The following RAB2A variants were observed in gnomAD, a reference collection of about 807,000 sequenced individuals.
RAB2A encodes the protein RAB2A, member RAS oncogene family.
A neutral mutation model predicts 32.5 loss-of-function variants in RAB2A; 7 were observed. The observed-to-expected ratio is 0.22, with a 90% CI of 0.12 to 0.40. The LOEUF is 0.40. Ranked by LOEUF, RAB2A falls within the 10% of genes least tolerant of loss-of-function variation. The probability of loss-of-function intolerance (pLI) is 1.00; values close to 1 mark genes in which losing one functional copy is unlikely to be tolerated. For missense variants in RAB2A, 108 were observed against 260.7 expected (o/e 0.41, Z 4.03); for synonymous variants, 79 against 85.2 (o/e 0.93, Z 0.40).
At chr8:60,562,919 T>C (rs1808046063) in intron 2 of RAB2A, among the ~76,000 whole-genome samples, 1 of 152,040 alleles carries the variant, frequency 6.6e-6, no homozygotes, top group Non-Finnish European at 1.5e-5. Flanking sequence ...TACAGGCCAG[T>C]AGAAGCAGTA....
At chr8:60,619,051 C>A (rs1039462132) in intron 7 of RAB2A, 1 of 152,162 alleles carries the variant, frequency 6.6e-6, no homozygotes, top group African/African-American at 2.4e-5. Context: ...GCAAGATGCT[C>A]TCTCTGTTAT....
chr8:60,584,032 G>T lies in RAB2A; in HGVS notation c.187-176G>T, dbSNP rs1317279698. The T allele has an allele frequency of 5.6e-6, 3 of 535,914 alleles. No homozygotes were observed. In the African/African-American group the frequency reaches 5.7e-5, roughly 10 times the overall value. The allele number at this position is 535,914 out of a possible 1,614,324, so 33.2% of individuals were successfully genotyped here. ...CTACATGTGCGTCTCGTTGACTTGA[G>T]CAATCTTGAGCAATAGCGGTGTTTT... On this transcript the variant is annotated intron_variant, in intron 3 of 7. Coordinates refer to ENST00000262646, the MANE Select transcript of RAB2A (RefSeq NM_002865.3).
intron 1 of RAB2A, among the ~76,000 whole-genome samples, chr8:60,557,439 C>A (rs889485875): frequency 1.3e-5 from 2 of 152,080 alleles, no homozygotes; most frequent in Non-Finnish European, 2.9e-5. Context: ...TTGCTTGAAC[C>A]TGGGAGACGG....
At chr8:60,538,407 A>C (rs1253219605) in intron 1 of RAB2A, among the ~76,000 whole-genome samples, 1 of 152,248 alleles carries the variant, frequency 6.6e-6, no homozygotes, top group African/African-American at 2.4e-5. Flanking sequence ...GAACAGAGAA[A>C]GTCTAATGTA....
intron 5 of RAB2A, among the ~76,000 whole-genome samples, chr8:60,586,905 G>A (rs1450480320): frequency 6.6e-6 from 1 of 150,476 alleles, no homozygotes; most frequent in African/African-American, 2.5e-5. Context: ...ACTCCAGCCT[G>A]GGCAAAAGAG....
At chr8:60,525,943 CTATATATG>C (rs1382730616) in intron 1 of RAB2A, among the ~76,000 whole-genome samples, 22 of 131,346 alleles carry the variant, frequency 1.7e-4, no homozygotes, top group South Asian at 7.2e-4. Context: ...ATATATATGT[CTATATATG>C]TATATATGTA....
intron 1 of RAB2A, among the ~76,000 whole-genome samples, chr8:60,524,405 T>C (rs1161493166): frequency 6.6e-6 from 1 of 152,162 alleles, no homozygotes; most frequent in African/African-American, 2.4e-5. Context: ...CACTTTAGTC[T>C]ATGAGGCTGT....
chr8:60,598,937 CAAAAAAAAAAAAAAAAAAA>C (rs56406651), intron 6 of RAB2A, among the ~76,000 whole-genome samples: 2 of 40,368 alleles, frequency 5.0e-5, no homozygotes, highest in Non-Finnish European at 1.0e-4. Context: ...TGCAGTAAAG[CAAAAAAAAAAAAAAAAAAA>C]AAAAAAAAAA....
chr8:60,526,020 C>CATATACATAT (rs1807377411), intron 1 of RAB2A, among the ~76,000 whole-genome samples: 1 of 92,354 alleles, frequency 1.1e-5, no homozygotes, highest in Non-Finnish European at 2.2e-5. Context: ...TGTGTGTGTA[C>CATATACATAT]ATATATATAT....
intron 3 of RAB2A, among the ~76,000 whole-genome samples, chr8:60,580,741 G>T (rs1803734738): frequency 1.3e-5 from 2 of 152,176 alleles, no homozygotes; most frequent in Non-Finnish European, 2.9e-5. Flanking sequence ...CAGTTCAGAA[G>T]GAATGAGAAT....
At chr8:60,576,077 G>T (rs1803616439) in intron 3 of RAB2A, among the ~76,000 whole-genome samples, 1 of 152,146 alleles carries the variant, frequency 6.6e-6, no homozygotes, top group Non-Finnish European at 1.5e-5. Context: ...GATACTCCTT[G>T]GAGGCATGAA....
intron 5 of RAB2A, among the ~76,000 whole-genome samples, chr8:60,586,386 A>C: frequency 1.2e-5 from 1 of 86,368 alleles, no homozygotes; most frequent in Non-Finnish European, 2.6e-5. Context: ...TGCCCGTTAA[A>C]AAAAAAAGAG....
At chr8:60,541,345 A>T (rs1807642794) in intron 1 of RAB2A, among the ~76,000 whole-genome samples, 1 of 152,186 alleles carries the variant, frequency 6.6e-6, no homozygotes, top group African/African-American at 2.4e-5. Flanking sequence ...TCCTGAGACA[A>T]CAAAAGGACA....
chr8:60,595,874 C>T (rs1027291428), intron 6 of RAB2A, among the ~76,000 whole-genome samples: 3 of 152,078 alleles, frequency 2.0e-5, no homozygotes, highest in Admixed American at 6.5e-5. Context: ...TGAAATCATA[C>T]GGAATGTATT....
At position 60,620,832 on chromosome 8, in the gene RAB2A, T is replaced by A. The variant is rs1425305905; in HGVS notation, c.*63T>A. The A allele has an allele frequency of 1.5e-6, 2 of 1,377,072 alleles. No individual in the cohort carries two copies. Among genetic ancestry groups the A allele is most frequent in the South Asian group, 1.3e-5 (1 of 75,646 alleles). The allele number at this position is 1,377,072 out of a possible 1,614,324, so 85.3% of individuals were successfully genotyped here. A position where few individuals can be genotyped will look rare whatever the true frequency, so the allele number is the denominator to read the frequency against. ...TCACTTATTCTTTCACCCCCTCTCC[T>A]CCTGCTCAGCTGAGACATGAAACTA... On this transcript the variant is annotated 3_prime_UTR_variant, in exon 8 of 8. Transcript: ENST00000262646.
intron 5 of RAB2A, among the ~76,000 whole-genome samples, chr8:60,586,191 C>T (rs771151474): frequency 5.9e-5 from 9 of 152,040 alleles, no homozygotes; most frequent in Non-Finnish European, 1.2e-4. Flanking sequence ...ATTCCAGCTA[C>T]TCAGGAGGCT....
At chr8:60,539,582 A>G (rs1459606324) in intron 1 of RAB2A, among the ~76,000 whole-genome samples, 2 of 152,238 alleles carry the variant, frequency 1.3e-5, no homozygotes, top group African/African-American at 2.4e-5. Context: ...TTCACCAAAT[A>G]TAAAACGTAG....
At chr8:60,556,839 CTTA>C (rs1807947182) in intron 1 of RAB2A, among the ~76,000 whole-genome samples, 1 of 152,028 alleles carries the variant, frequency 6.6e-6, no homozygotes, top group Non-Finnish European at 1.5e-5. Flanking sequence ...TTACCAAACT[CTTA>C]GATGATTCTT....
At chr8:60,517,316 A>C in intron 1 of RAB2A, 63 bp downstream of exon 1, 1 of 1,393,756 alleles carries the variant, frequency 7.2e-7, no homozygotes. Context: ...TGAGGGGCAA[A>C]CGGCGTCTGG....
Sources: allele counts gnomAD v4.1 joint callset (sites outside exome capture counted in the v4.1 genomes callset), GRCh38; gene constraint gnomAD v4.1.1; transcripts MANE v1.5; gene names NCBI Gene and HGNC (gene_info 2026-07-23, HGNC 2026-07-21).